HS3ST5: variants seen among roughly 807,000 people sequenced by gnomAD.
HS3ST5 encodes heparan sulfate glucosamine 3-O-sulfotransferase 5.
Under a neutral mutation model 25.4 loss-of-function variants are expected in HS3ST5, and 10 were observed. That is an observed-to-expected ratio of 0.39 (90% CI 0.24 to 0.67). The LOEUF (loss-of-function observed/expected upper bound fraction) is 0.67. HS3ST5 is among the 30% of genes least tolerant of loss of function. HS3ST5 has a pLI of 0.44. For synonymous variants in HS3ST5, 170 were observed against 162.4 expected, an observed-to-expected ratio of 1.05 and a Z score of -0.36; for missense variants, 324 against 420.7, an observed-to-expected ratio of 0.77 and a Z score of 2.01.
intron 3 of HS3ST5, among the ~76,000 whole-genome samples, chr6:114,124,771 A>G (rs2114887660): frequency 6.6e-6 from 1 of 152,258 alleles, no homozygotes; most frequent in South Asian, 2.1e-4. Flanking sequence ...TCTCTCTTTT[A>G]GATCGTATTA....
At chr6:114,060,139 G>A (rs1047786600) in intron 4 of HS3ST5, among the ~76,000 whole-genome samples, 9 of 151,720 alleles carry the variant, frequency 5.9e-5, no homozygotes, top group East Asian at 1.9e-4. Context: ...TCAGCCTCCC[G>A]AGTAGCTGGG....
intron 3 of HS3ST5, among the ~76,000 whole-genome samples, chr6:114,110,426 C>G (rs1302005038): frequency 6.6e-6 from 1 of 152,068 alleles, no homozygotes; most frequent in Non-Finnish European, 1.5e-5. Context: ...TTGAGCATGA[C>G]TCTGTGCCCA....
intron 1 of HS3ST5, among the ~76,000 whole-genome samples, chr6:114,274,249 A>G (rs1232692037): frequency 6.6e-6 from 1 of 152,058 alleles, no homozygotes; most frequent in Non-Finnish European, 1.5e-5. Flanking sequence ...ATAAGAGGAA[A>G]GGAGATCAGC....
At chr6:114,341,166 G>T (rs1242848387) in intron 1 of HS3ST5, among the ~76,000 whole-genome samples, 1 of 119,548 alleles carries the variant, frequency 8.4e-6, no homozygotes, top group African/African-American at 3.4e-5. Context: ...AGAGAGGGGA[G>T]GGAGGGAGGG....
At chr6:114,122,942 T>TTTTG (rs551616098) in intron 3 of HS3ST5, among the ~76,000 whole-genome samples, 60 of 152,200 alleles carry the variant, frequency 3.9e-4, no homozygotes, top group South Asian at 1.7e-3. Flanking sequence ...TACAGATAGT[T>TTTTG]TTTGTTTGTT....
chr6:114,333,495 C>T (rs563253482), intron 1 of HS3ST5, among the ~76,000 whole-genome samples: 1 of 152,166 alleles, frequency 6.6e-6, no homozygotes, highest in Non-Finnish European at 1.5e-5. Flanking sequence ...AATTCAGAAA[C>T]TCCCAAAGTA....
chr6:114,131,289 A>T (rs1777319974), intron 3 of HS3ST5: 1 of 152,244 alleles, frequency 6.6e-6, no homozygotes, highest in Non-Finnish European at 1.5e-5. Context: ...TAAGTAGATC[A>T]TATTTCAGGA....
At chr6:114,164,949 C>A (rs2114991200) in intron 3 of HS3ST5, among the ~76,000 whole-genome samples, 1 of 152,238 alleles carries the variant, frequency 6.6e-6, no homozygotes, top group Non-Finnish European at 1.5e-5. Flanking sequence ...AGGTCAAAAC[C>A]AGTCATCAGC....
chr6:114,302,450 T>G (rs1775117515), intron 1 of HS3ST5, among the ~76,000 whole-genome samples: 1 of 152,124 alleles, frequency 6.6e-6, no homozygotes, highest in Non-Finnish European at 1.5e-5. Context: ...TATGCAAAAT[T>G]AAACTATCAA....
intron 3 of HS3ST5, among the ~76,000 whole-genome samples, chr6:114,128,878 C>T (rs9488333): frequency 0.013 from 1,929 of 152,292 alleles, 31 homozygotes; most frequent in African/African-American, 0.041. Flanking sequence ...ATTAGGTAGA[C>T]ACACATATTT....
rs372792180 is a variant in HS3ST5, at chr6:114,175,693, A to G, written c.-144-7231T>C. 7.2e-5 allele frequency among the ~76,000 whole-genome samples: 11 copies of G among 152,314 alleles called. No homozygotes were observed. In the East Asian group the frequency reaches 2.1e-3, roughly 29 times the overall value. ...GATAAATGGAACTCTTATTTTAATA[A>G]TTGCCACAGCAGTATTTTTCTTAAG... On this transcript the variant is annotated intron_variant, in intron 2 of 4. Coordinates refer to ENST00000312719, the MANE Select transcript of HS3ST5 (RefSeq NM_153612.4).
At chr6:114,243,495 G>T (rs1772237144) in intron 1 of HS3ST5, among the ~76,000 whole-genome samples, 1 of 152,178 alleles carries the variant, frequency 6.6e-6, no homozygotes, top group African/African-American at 2.4e-5. Flanking sequence ...TATCATGGGG[G>T]TTTTTAAAGT....
intron 3 of HS3ST5, among the ~76,000 whole-genome samples, chr6:114,148,246 C>T (rs1232046487): frequency 6.6e-6 from 1 of 152,120 alleles, no homozygotes; most frequent in Non-Finnish European, 1.5e-5. Flanking sequence ...AAAAGTGAAA[C>T]TGGACCCCTT....
intron 1 of HS3ST5, among the ~76,000 whole-genome samples, chr6:114,318,222 A>C (rs1582812541): frequency 6.6e-6 from 1 of 152,328 alleles, no homozygotes; most frequent in South Asian, 2.1e-4. Flanking sequence ...AATTAGAAAA[A>C]GCTGTAATGT....
Position 114,094,424 on chromosome 6 carries a change from T to A in HS3ST5, c.-32-31547A>T, listed in dbSNP as rs942386868. Among the ~76,000 whole-genome samples, 97 of 152,186 alleles carry A rather than the reference T, an allele frequency of 6.4e-4. 1 individual carries two copies. The highest frequency in any genetic ancestry group is 6.3e-3 in the Admixed American group (97 of 15,276). ...CTTTGATAGTTTCCAAACCATAAAC[T>A]GAGATTTCTCAGAGGTATGTGAGAC... On this transcript the variant is annotated intron_variant, in intron 3 of 4. Transcript: ENST00000312719.
chr6:114,209,575 TAAAA>T (rs962214701), intron 2 of HS3ST5, among the ~76,000 whole-genome samples: 1 of 152,166 alleles, frequency 6.6e-6, no homozygotes, highest in African/African-American at 2.4e-5. Flanking sequence ...CTTATTTTAA[TAAAA>T]AGAAAGCCAT....
intron 2 of HS3ST5, among the ~76,000 whole-genome samples, chr6:114,178,148 G>T (rs1213363818): frequency 6.6e-6 from 1 of 152,116 alleles, no homozygotes; most frequent in Non-Finnish European, 1.5e-5. Context: ...GCTCTGATTG[G>T]ATTCTATATA....
intron 2 of HS3ST5, among the ~76,000 whole-genome samples, chr6:114,217,499 G>A (rs1781826646): frequency 6.6e-6 from 1 of 152,164 alleles, no homozygotes; most frequent in African/African-American, 2.4e-5. Flanking sequence ...CAATGAAAAT[G>A]AAGCAGCAAT....
At chr6:114,129,316 C>T (rs988572167) in intron 3 of HS3ST5, among the ~76,000 whole-genome samples, 58 of 135,080 alleles carry the variant, frequency 4.3e-4, no homozygotes, top group Non-Finnish European at 6.7e-4. Flanking sequence ...AGTGCAGTGG[C>T]ACAATCTTGG....
Sources: allele counts gnomAD v4.1 joint callset (sites outside exome capture counted in the v4.1 genomes callset), GRCh38; gene constraint gnomAD v4.1.1; transcripts MANE v1.5; gene names NCBI Gene and HGNC (gene_info 2026-07-23, HGNC 2026-07-21).